The following SLC1A3 variants were observed in gnomAD, a reference collection of about 807,000 sequenced individuals.
SLC1A3 encodes excitatory amino acid transporter 1.
SLC1A3 carries 21 observed loss-of-function variants against 48.1 expected under a neutral mutation model. That is an observed-to-expected ratio of 0.44 (90% CI 0.31 to 0.63). SLC1A3 has a LOEUF of 0.63. SLC1A3 is among the 20% of genes least tolerant of loss of function. The pLI is 0.08. For missense variants in SLC1A3, 546 were observed against 689.0 expected (o/e 0.79, Z 2.32); for synonymous variants, 239 against 251.4 (o/e 0.95, Z 0.47).
At position 36,669,759 on chromosome 5, in the gene SLC1A3, A is replaced by T. The variant is rs1411734661; in HGVS notation, c.320-1270A>T. On this transcript the variant is annotated intron_variant, in intron 3 of 9. Coordinates refer to ENST00000265113, the MANE Select transcript of SLC1A3 (RefSeq NM_004172.5). ...GATTTTTGAGCAAACCCAACCAGTT[A>T]TCTGGCAATCGTAGACACCATTTTA... 8.5e-5 allele frequency: 13 copies of T among 152,166 alleles called. 1 individual carries two copies. 9.4% of individuals were successfully genotyped at this position (152,166 alleles called of 1,614,324 possible).
chr5:36,596,972 G>T (rs938788745), intron 1 of SLC1A3, among the ~76,000 whole-genome samples: 1 of 152,126 alleles, frequency 6.6e-6, no homozygotes, highest in African/African-American at 2.4e-5. Flanking sequence ...CCTGGGGGTT[G>T]CTCCCGTGGT....
At chr5:36,648,350 C>T (rs1397492948) in intron 3 of SLC1A3, among the ~76,000 whole-genome samples, 2 of 152,112 alleles carry the variant, frequency 1.3e-5, no homozygotes, top group South Asian at 2.1e-4. Flanking sequence ...TTTTTATTAA[C>T]GATTAATGTA....
At chr5:36,599,239 A>G (rs1407279299) in intron 1 of SLC1A3, among the ~76,000 whole-genome samples, 1 of 152,242 alleles carries the variant, frequency 6.6e-6, no homozygotes, top group Non-Finnish European at 1.5e-5. Flanking sequence ...TGGTACTACA[A>G]GACAATGTGT....
chr5:36,651,158 A>G (rs1299150968), intron 3 of SLC1A3, among the ~76,000 whole-genome samples: 1 of 150,804 alleles, frequency 6.6e-6, no homozygotes, highest in Non-Finnish European at 1.5e-5. Flanking sequence ...AAAAAAAAAA[A>G]AAAAAAAAGG....
At chr5:36,643,723 G>A (rs426040) in intron 3 of SLC1A3, among the ~76,000 whole-genome samples, 122,877 of 151,972 alleles carry the variant, frequency 0.81, 51,211 homozygotes, top group Non-Finnish European at 0.91. Context: ...GGCCAGGCAC[G>A]GTGGCTCACA....
chr5:36,626,412 GT>G lies in SLC1A3; in HGVS notation c.182-3037del, dbSNP rs141516803. ...CCTGCCTACCCTTGGAAATATTACT[GT>G]ATGTAAGTAAGTGTATTTCTAATAA... On this transcript the variant is annotated intron_variant, in intron 2 of 9. Transcript: ENST00000265113. Among the ~76,000 whole-genome samples, 852 of 152,254 alleles carry G rather than the reference GT, an allele frequency of 5.6e-3. 12 individuals are homozygous for G. The highest frequency in any genetic ancestry group is 0.019 in the African/African-American group (796 of 41,552).
intron 2 of SLC1A3, among the ~76,000 whole-genome samples, chr5:36,616,675 A>G (rs1739449402): frequency 6.6e-6 from 1 of 152,188 alleles, no homozygotes; most frequent in Admixed American, 6.5e-5. Flanking sequence ...GAGAGTAGGG[A>G]GAAAAATATA....
intron 3 of SLC1A3, among the ~76,000 whole-genome samples, chr5:36,649,721 T>C (rs942426995): frequency 2.0e-5 from 3 of 152,236 alleles, no homozygotes; most frequent in Admixed American, 6.5e-5. Flanking sequence ...AATATACTTA[T>C]GGGATAAAAA....
chr5:36,653,271 G>A (rs1490767711), intron 3 of SLC1A3, among the ~76,000 whole-genome samples: 1 of 152,184 alleles, frequency 6.6e-6, no homozygotes, highest in Non-Finnish European at 1.5e-5. Context: ...CTAGGTGTTT[G>A]GCAGCATTGT....
intron 3 of SLC1A3, among the ~76,000 whole-genome samples, chr5:36,652,702 T>C (rs945829469): frequency 1.3e-5 from 2 of 152,202 alleles, no homozygotes; most frequent in African/African-American, 4.8e-5. Context: ...AACACTGCTG[T>C]CTCACATGGC....
Position 36,608,780 on chromosome 5 carries a change from A to C in SLC1A3, c.181+176A>C, listed in dbSNP as rs1214942951. ...TGACTGTTTTGGCTTGTTTGGAGCA[A>C]TATATAGTAAACACATCATTAGGCA... is the stretch of plus-strand genomic sequence containing the variant. On this transcript the variant is annotated intron_variant, in intron 2 of 9. Coordinates refer to ENST00000265113, the MANE Select transcript of SLC1A3 (RefSeq NM_004172.5). The C allele has an allele frequency of 3.5e-6, 5 of 1,431,982 alleles. No homozygotes were observed. In the East Asian group the frequency reaches 1.3e-4, roughly 36 times the overall value. 88.7% of individuals were successfully genotyped at this position (1,431,982 alleles called of 1,614,324 possible). A position where few individuals can be genotyped will look rare whatever the true frequency, so the allele number is the denominator to read the frequency against.
At chr5:36,672,142 T>C (rs2269271) in intron 4 of SLC1A3, among the ~76,000 whole-genome samples, 65,358 of 151,950 alleles carry the variant, frequency 0.43, 14,189 homozygotes, top group East Asian at 0.54. Context: ...GCTATAGCCT[T>C]GGGAGGGAAG....
At chr5:36,673,105 A>G (rs1742062481) in intron 4 of SLC1A3, among the ~76,000 whole-genome samples, 1 of 152,168 alleles carries the variant, frequency 6.6e-6, no homozygotes, top group African/African-American at 2.4e-5. Context: ...GCATATTTCT[A>G]TCAAGGTTGA....
intron 1 of SLC1A3, among the ~76,000 whole-genome samples, chr5:36,598,695 C>G (rs1579931209): frequency 6.6e-6 from 1 of 152,152 alleles, no homozygotes; most frequent in African/African-American, 2.4e-5. Context: ...GAACACAGCT[C>G]TCTGCAGCCT....
intron 3 of SLC1A3, chr5:36,636,091 G>A (rs1740340060): frequency 6.8e-6 from 1 of 146,126 alleles, no homozygotes; most frequent in Non-Finnish European, 1.5e-5. Flanking sequence ...TTAGGTTTTG[G>A]TGAGGTATAA....
chr5:36,667,681 G>T (rs1452813878), intron 3 of SLC1A3: 1 of 152,176 alleles, frequency 6.6e-6, no homozygotes, highest in Non-Finnish European at 1.5e-5. Context: ...GACTTAGCGA[G>T]TGAGTCTTTG....
chr5:36,599,646 A>T (rs1738784223), intron 1 of SLC1A3, among the ~76,000 whole-genome samples: 1 of 149,606 alleles, frequency 6.7e-6, no homozygotes, highest in Non-Finnish European at 1.5e-5. Flanking sequence ...AGTAGCTGGG[A>T]CTACAGGTGT....
intron 8 of SLC1A3, among the ~76,000 whole-genome samples, chr5:36,681,870 G>T (rs1742455659): frequency 6.6e-6 from 1 of 152,102 alleles, no homozygotes; most frequent in African/African-American, 2.4e-5. Context: ...AACTAAGTCA[G>T]ATTTGGGGGG....
intron 3 of SLC1A3, among the ~76,000 whole-genome samples, chr5:36,662,394 C>T (rs1580009978): frequency 6.6e-6 from 1 of 152,174 alleles, no homozygotes; most frequent in African/African-American, 2.4e-5. Context: ...GGCAAGAGGA[C>T]AGTCATTCCT....
Sources: allele counts gnomAD v4.1 joint callset (sites outside exome capture counted in the v4.1 genomes callset), GRCh38; gene constraint gnomAD v4.1.1; transcripts MANE v1.5; gene names NCBI Gene and HGNC (gene_info 2026-07-23, HGNC 2026-07-21).